The following NMNAT2 variants were observed in gnomAD, a reference collection of about 807,000 sequenced individuals.
NMNAT2 encodes nicotinamide/nicotinic acid mononucleotide adenylyltransferase 2.
NMNAT2 carries 11 observed loss-of-function variants against 41.6 expected under a neutral mutation model. The ratio of observed to expected loss-of-function variants is 0.26; its 90% CI spans 0.17 to 0.44. The LOEUF (loss-of-function observed/expected upper bound fraction) is 0.44, where lower values mean the gene tolerates loss of function less well. NMNAT2 is among the 20% of genes least tolerant of loss of function. The pLI is 1.00. For missense variants in NMNAT2, 288 were observed against 407.7 expected (o/e 0.71, Z 2.53); for synonymous variants, 148 against 151.2 (o/e 0.98, Z 0.16).
chr1:183,273,372 G>C (rs1031120055), intron 8 of NMNAT2, among the ~76,000 whole-genome samples: 38 of 152,220 alleles, frequency 2.5e-4, no homozygotes, highest in African/African-American at 8.9e-4. Flanking sequence ...TGGTCAACAA[G>C]TATCACTCGG....
intron 1 of NMNAT2, among the ~76,000 whole-genome samples, chr1:183,400,446 T>C (rs372333439): frequency 1.3e-5 from 2 of 152,124 alleles, no homozygotes; most frequent in African/African-American, 4.8e-5. Context: ...ATTCCATGCT[T>C]ATGGATAGGA....
intron 8 of NMNAT2, among the ~76,000 whole-genome samples, chr1:183,264,985 C>T (rs1267418610): frequency 6.6e-6 from 1 of 152,144 alleles, no homozygotes; most frequent in Non-Finnish European, 1.5e-5. Flanking sequence ...TTCACACTCA[C>T]ACCCTTCATG....
chr1:183,318,687 G>T (rs1247241944), intron 1 of NMNAT2, among the ~76,000 whole-genome samples: 3 of 152,276 alleles, frequency 2.0e-5, no homozygotes, highest in African/African-American at 7.2e-5. Context: ...GAGGCCACGG[G>T]CTCCATCTGC....
intron 1 of NMNAT2, among the ~76,000 whole-genome samples, chr1:183,385,051 AT>A (rs1214306240): frequency 2.6e-5 from 4 of 152,084 alleles, no homozygotes; most frequent in South Asian, 2.1e-4. Context: ...AAAATAAAAA[AT>A]AAAAAAAATT....
At chr1:183,254,346 C>A (rs143960826) in intron 10 of NMNAT2, among the ~76,000 whole-genome samples, 1 of 152,046 alleles carries the variant, frequency 6.6e-6, no homozygotes, top group Non-Finnish European at 1.5e-5. Context: ...AGTAATGTTG[C>A]GCATCTTTTT....
intron 1 of NMNAT2, among the ~76,000 whole-genome samples, chr1:183,332,512 T>A (rs111870306): frequency 3.0e-4 from 46 of 152,298 alleles, no homozygotes; most frequent in African/African-American, 1.1e-3. Context: ...GAGAGGGGGA[T>A]AATGAGGGCA....
intron 1 of NMNAT2, among the ~76,000 whole-genome samples, chr1:183,411,855 T>C (rs1011958574): frequency 3.3e-5 from 5 of 152,154 alleles, no homozygotes; most frequent in African/African-American, 1.2e-4. Context: ...TTTTAAATTA[T>C]GTGATCAGGG....
rs113645658 is a variant in NMNAT2 at position 183,279,380 on chromosome 1, A to T, written c.575-751T>A. Among the ~76,000 whole-genome samples, 665 of 152,346 alleles carry T rather than the reference A, an allele frequency of 4.4e-3. 2 individuals carry two copies. The highest frequency in any genetic ancestry group is 0.014 in the African/African-American group (569 of 41,580). The stretch of plus-strand genomic sequence containing the variant: ...ACAACATTCTGAGAATACCGTGAGG[A>T]GAGTCCTCACCCAGGATGTGGCTCA... On this transcript the variant is annotated intron_variant, in intron 7 of 10. Coordinates refer to ENST00000287713, the MANE Select transcript of NMNAT2 (RefSeq NM_015039.4).
chr1:183,331,186 G>T lies in NMNAT2; in HGVS notation c.86-37393C>A, dbSNP rs530974899. Among the ~76,000 whole-genome samples the T allele has an allele frequency of 2.6e-5, 4 of 152,284 alleles. No homozygotes were observed. The East Asian group carries it at 5.8e-4, about 22-fold the overall frequency. On this transcript the variant is annotated intron_variant, in intron 1 of 10. Coordinates refer to ENST00000287713, the MANE Select transcript of NMNAT2 (RefSeq NM_015039.4). ...GCATGTGAAATCATGAGGGGCAGGTGGGGGTGGCCGTGGCGCACTGAGCAC... is the reference window on the plus strand; with the variant it reads ...GCATGTGAAATCATGAGGGGCAGGTTGGGGTGGCCGTGGCGCACTGAGCAC...
At chr1:183,333,869 C>CT (rs1662632180) in intron 1 of NMNAT2, among the ~76,000 whole-genome samples, 2 of 152,200 alleles carry the variant, frequency 1.3e-5, no homozygotes, top group African/African-American at 4.8e-5. Context: ...GCCATTAGCT[C>CT]TGTCATTTCC....
At chr1:183,406,896 G>A (rs1320854400) in intron 1 of NMNAT2, among the ~76,000 whole-genome samples, 3 of 135,460 alleles carry the variant, frequency 2.2e-5, no homozygotes, top group South Asian at 4.6e-4. Flanking sequence ...TCAGCTCACT[G>A]CAACCTCCAC....
chr1:183,319,718 C>T (rs1662322173), intron 1 of NMNAT2, among the ~76,000 whole-genome samples: 1 of 152,166 alleles, frequency 6.6e-6, no homozygotes. Context: ...TTCTATGTGT[C>T]CTCAGCAGGG....
In NMNAT2 at chr1:183,334,205, T is replaced by G. The variant is rs564861117; in HGVS notation, c.86-40412A>C. Among the ~76,000 whole-genome samples the G allele has an allele frequency of 1.2e-4, 19 of 152,246 alleles. 1 individual carries two copies. In the East Asian group the frequency reaches 2.3e-3, roughly 19 times the overall value. On this transcript the variant is annotated intron_variant, in intron 1 of 10. Coordinates refer to ENST00000287713, the MANE Select transcript of NMNAT2 (RefSeq NM_015039.4). ...CCTCACTCTTCCGAGTAGCTGGGAT[T>G]ACAGGAGCACAACACCATGCCCGAC... is the stretch of plus-strand genomic sequence containing the variant.
chr1:183,273,406 G>C (rs1026632323), intron 8 of NMNAT2, among the ~76,000 whole-genome samples: 1 of 152,250 alleles, frequency 6.6e-6, no homozygotes, highest in African/African-American at 2.4e-5. Flanking sequence ...AAAGAGAAAT[G>C]TGCTCTGAGA....
chr1:183,319,733 C>T (rs1341602332), intron 1 of NMNAT2, among the ~76,000 whole-genome samples: 3 of 152,106 alleles, frequency 2.0e-5, no homozygotes, highest in Admixed American at 1.3e-4. Flanking sequence ...GCAGGGAAAC[C>T]GGCAGGATAT....
intron 1 of NMNAT2, among the ~76,000 whole-genome samples, chr1:183,336,673 A>G (rs1012269581): frequency 1.3e-4 from 20 of 152,230 alleles, no homozygotes; most frequent in South Asian, 4.1e-4. Context: ...AAAGTTAAAC[A>G]AACACCAGAT....
intron 8 of NMNAT2, among the ~76,000 whole-genome samples, chr1:183,274,532 C>T (rs958216047): frequency 1.7e-4 from 26 of 151,748 alleles, no homozygotes; most frequent in Non-Finnish European, 2.2e-4. Context: ...AGGGTGGTCT[C>T]GAACTCTTGA....
intron 1 of NMNAT2, among the ~76,000 whole-genome samples, chr1:183,363,768 G>A (rs192481600): frequency 2.8e-4 from 42 of 152,358 alleles, no homozygotes; most frequent in Admixed American, 9.8e-4. Flanking sequence ...AAGGCTTTAA[G>A]AATAGGGTGG....
At chr1:183,407,778 T>C (rs1457926464) in intron 1 of NMNAT2, among the ~76,000 whole-genome samples, 1 of 152,224 alleles carries the variant, frequency 6.6e-6, no homozygotes, top group African/African-American at 2.4e-5. Context: ...CCTGATGCAA[T>C]TGGTGTGCTA....
Sources: gnomAD v4.1 joint callset for allele counts (sites outside exome capture counted in the v4.1 genomes callset) on GRCh38, gnomAD v4.1.1 for gene constraint, MANE v1.5 for transcripts, NCBI Gene and HGNC (gene_info 2026-07-23, HGNC 2026-07-21) for gene names.